The following UGGT1 variants were observed in gnomAD, a reference collection of about 807,000 sequenced individuals.
UGGT1 encodes UDP-glucose glycoprotein glucosyltransferase 1.
Under a neutral mutation model 203.9 loss-of-function variants are expected in UGGT1, and 107 were observed. That is an observed-to-expected ratio of 0.52 (90% CI 0.45 to 0.62). UGGT1 has a LOEUF of 0.62. UGGT1 is among the 20% of genes least tolerant of loss of function. The probability of loss-of-function intolerance (pLI) is 0.00; values close to 1 mark genes in which losing one functional copy is unlikely to be tolerated. For synonymous variants in UGGT1, 628 were observed against 653.5 expected, an observed-to-expected ratio of 0.96 and a Z score of 0.59; for missense variants, 1,673 against 1,867.2, an observed-to-expected ratio of 0.90 and a Z score of 1.92.
At chr2:128,178,304 G>A (rs1197914582) in intron 33 of UGGT1, among the ~76,000 whole-genome samples, 164 bp from the exon 34 acceptor site, 1 of 152,188 alleles carries the variant, frequency 6.6e-6, no homozygotes, top group Non-Finnish European at 1.5e-5. Flanking sequence ...GGTTTTGTCA[G>A]TCTTGTGGTC....
chr2:128,131,786 C>T (rs1688892609), intron 13 of UGGT1, among the ~76,000 whole-genome samples: 1 of 152,036 alleles, frequency 6.6e-6, no homozygotes, highest in South Asian at 2.1e-4. Flanking sequence ...CACCACCATG[C>T]CCAGCTAATT....
intron 11 of UGGT1, among the ~76,000 whole-genome samples, chr2:128,126,327 G>T (rs1385014101): frequency 6.6e-6 from 1 of 151,406 alleles, no homozygotes; most frequent in African/African-American, 2.4e-5. Context: ...GGCAACCTCT[G>T]CCTCCCAGGT....
intron 22 of UGGT1, among the ~76,000 whole-genome samples, chr2:128,157,777 A>T (rs1433988622): frequency 6.6e-6 from 1 of 152,212 alleles, no homozygotes; most frequent in Non-Finnish European, 1.5e-5. Context: ...GCACTGAGGG[A>T]TACACACATA....
At chr2:128,181,125 C>A (rs1179485380) in intron 36 of UGGT1, 53 bp downstream of exon 36, 51 of 1,525,108 alleles carry the variant, frequency 3.3e-5, no homozygotes, top group Non-Finnish European at 3.7e-5. Flanking sequence ...CAACAAATTG[C>A]TTCTTTTTAA....
chr2:128,105,537 C>A (rs900070913), intron 3 of UGGT1, among the ~76,000 whole-genome samples: 3 of 148,598 alleles, frequency 2.0e-5, no homozygotes, highest in Non-Finnish European at 3.0e-5. Context: ...TTTTTCGAGA[C>A]AGAGTCTTAC....
intron 35 of UGGT1, among the ~76,000 whole-genome samples, chr2:128,180,516 T>C (rs147500410): frequency 1.4e-3 from 207 of 152,356 alleles, no homozygotes; most frequent in Middle Eastern, 6.8e-3. Flanking sequence ...TGTTATTCCC[T>C]GGGTTAGATC....
rs1183674615 is a variant in UGGT1, at chr2:128,195,407, G to T, written c.*5665G>T. On this transcript the variant is annotated 3_prime_UTR_variant, in exon 41 of 41. Transcript: ENST00000259253. ...TTTTCCAACCAACCAGTTATTCGTGGTAATAATAAAATAAAGGTGGGAAAA... is the reference window on the plus strand; with the variant it reads ...TTTTCCAACCAACCAGTTATTCGTGTTAATAATAAAATAAAGGTGGGAAAA... 1 of 152,180 alleles carries T rather than the reference G, an allele frequency of 6.6e-6. No individual in the cohort carries two copies. The highest frequency in any genetic ancestry group is 1.5e-5 in the Non-Finnish European group (1 of 68,026). The allele number at this position is 152,180 out of a possible 1,614,324, so 9.4% of individuals were successfully genotyped here.
intron 12 of UGGT1, among the ~76,000 whole-genome samples, chr2:128,128,322 T>TA (rs1688706569): frequency 6.6e-6 from 1 of 151,086 alleles, no homozygotes; most frequent in African/African-American, 2.4e-5. Flanking sequence ...TATCTTTTTT[T>TA]TTTTTTGGAG....
chr2:128,183,413 T>A (rs1028874409), intron 37 of UGGT1, among the ~76,000 whole-genome samples: 1 of 152,266 alleles, frequency 6.6e-6, no homozygotes, highest in Non-Finnish European at 1.5e-5. Flanking sequence ...CTGCCGCATA[T>A]GCTAGAAATC....
chr2:128,187,416 A>G (rs989446294), intron 39 of UGGT1, 33 bp from the exon 40 acceptor site: 4 of 1,595,432 alleles, frequency 2.5e-6, no homozygotes, highest in Non-Finnish European at 3.4e-6. Context: ...CCTTTCTTCA[A>G]CTCAGCTGAA....
At chr2:128,182,004 G>A in intron 36 of UGGT1, 126 bp from the exon 37 acceptor site, 1 of 835,506 alleles carries the variant, frequency 1.2e-6, no homozygotes, top group Non-Finnish European at 1.9e-6. Context: ...TCTGCCCCTA[G>A]TGCCTGTGCC....
At chr2:128,104,278 T>C (rs548215173) in intron 3 of UGGT1, among the ~76,000 whole-genome samples, 3 of 152,232 alleles carry the variant, frequency 2.0e-5, no homozygotes, top group Non-Finnish European at 4.4e-5. Context: ...AAGTGCTATG[T>C]GAATATTTTG....
At chr2:128,127,312 T>C in intron 11 of UGGT1, 49 bp from the exon 12 acceptor site, 2 of 1,386,410 alleles carry the variant, frequency 1.4e-6, no homozygotes, top group South Asian at 1.2e-5. Context: ...ATAAAATTTT[T>C]TTTAAAACAT....
intron 15 of UGGT1, 43 bp from the exon 16 acceptor site, chr2:128,138,674 A>T: frequency 6.3e-7 from 1 of 1,598,224 alleles, no homozygotes; most frequent in Non-Finnish European, 8.5e-7. Context: ...AACCATTTGC[A>T]TTCTTTGACA....
chr2:128,091,556 C>A, intron 1 of UGGT1, 141 bp downstream of exon 1: 1 of 1,440,890 alleles, frequency 6.9e-7, no homozygotes, highest in South Asian at 1.5e-5. Context: ...TTCCCCTATT[C>A]GCGAGCGCCC....
intron 34 of UGGT1, 98 bp downstream of exon 34, chr2:128,178,667 C>A: frequency 9.5e-7 from 1 of 1,050,374 alleles, no homozygotes; most frequent in Non-Finnish European, 1.4e-6. Flanking sequence ...TCATTATACT[C>A]CTGTGTCTTT....
At chr2:128,095,269 G>T (rs1687057528) in intron 1 of UGGT1, among the ~76,000 whole-genome samples, 1 of 152,108 alleles carries the variant, frequency 6.6e-6, no homozygotes, top group South Asian at 2.1e-4. Context: ...CATTTCTGCA[G>T]CCTCTATAGC....
At chr2:128,174,892 A>G in intron 31 of UGGT1, 34 bp downstream of exon 31, 1 of 1,574,912 alleles carries the variant, frequency 6.3e-7, no homozygotes, top group Non-Finnish European at 8.7e-7. Flanking sequence ...ATTATCCCAG[A>G]ACTTTTAGAA....
intron 16 of UGGT1, among the ~76,000 whole-genome samples, chr2:128,139,150 G>C (rs191789219): frequency 6.6e-6 from 1 of 152,192 alleles, no homozygotes; most frequent in South Asian, 2.1e-4. Context: ...AGAATAGTAA[G>C]TATTTTATAC....
Sources: gnomAD v4.1 joint callset for allele counts (sites outside exome capture counted in the v4.1 genomes callset) on GRCh38, gnomAD v4.1.1 for gene constraint, MANE v1.5 for transcripts, NCBI Gene and HGNC (gene_info 2026-07-23, HGNC 2026-07-21) for gene names.